SUGCT: variants seen among roughly 807,000 people sequenced by gnomAD.
SUGCT encodes the protein succinyl-CoA:glutarate-CoA transferase, also known as succinyl-CoA:glutarate CoA-transferase.
A neutral mutation model predicts 55.0 loss-of-function variants in SUGCT; 41 were observed. The ratio of observed to expected loss-of-function variants is 0.74; its 90% CI spans 0.58 to 0.97. The LOEUF is 0.97. SUGCT is among the 50% of genes least tolerant of loss of function. The probability of loss-of-function intolerance (pLI) is 0.00; values close to 1 mark genes in which losing one functional copy is unlikely to be tolerated. For synonymous variants in SUGCT, 187 were observed against 200.4 expected (o/e 0.93, Z 0.56); for missense variants, 568 against 547.8 (o/e 1.04, Z -0.37).
the SUGCT span, among the ~76,000 whole-genome samples, chr7:41,028,138 C>T: frequency 6.6e-6 from 1 of 152,216 alleles, no homozygotes; most frequent in South Asian, 2.1e-4. Context: ...GTGCCTCCAG[C>T]GTCTGGTCCC....
chr7:40,442,962 A>G (rs998676045), intron 9 of SUGCT, among the ~76,000 whole-genome samples: 30 of 152,260 alleles, frequency 2.0e-4, no homozygotes, highest in African/African-American at 6.7e-4. Flanking sequence ...TATGAGTGAG[A>G]ACATGCAGTG....
At chr7:40,282,667 TG>T (rs577713588) in intron 8 of SUGCT, among the ~76,000 whole-genome samples, 5 of 151,980 alleles carry the variant, frequency 3.3e-5, no homozygotes, top group African/African-American at 9.7e-5. Context: ...GCCAGGAGTT[TG>T]GGACCAGCAT....
chr7:40,520,688 C>A (rs1359520962), intron 12 of SUGCT, among the ~76,000 whole-genome samples: 1 of 152,084 alleles, frequency 6.6e-6, no homozygotes, highest in Admixed American at 6.6e-5. Flanking sequence ...ATTTGCCACT[C>A]TGTCTTCTCA....
intron 1 of SUGCT, among the ~76,000 whole-genome samples, chr7:40,179,249 A>G (rs1194808185): frequency 6.6e-6 from 1 of 151,662 alleles, no homozygotes; most frequent in Non-Finnish European, 1.5e-5. Flanking sequence ...TTAAAACAAG[A>G]CTTTATTTTT....
At chr7:40,442,332 CAGTT>C (rs1186024884) in intron 9 of SUGCT, among the ~76,000 whole-genome samples, 2 of 152,092 alleles carry the variant, frequency 1.3e-5, no homozygotes, top group Admixed American at 6.6e-5. Context: ...AAGATGGAGT[CAGTT>C]AGGTTAGATT....
the SUGCT span, among the ~76,000 whole-genome samples, chr7:40,954,442 G>T: frequency 6.6e-6 from 1 of 152,172 alleles, no homozygotes; most frequent in Admixed American, 6.6e-5. Flanking sequence ...CATGCTCAGT[G>T]TGCTGCACCC....
chr7:40,770,760 TTATATAA>T (rs1789056973), intron 13 of SUGCT, among the ~76,000 whole-genome samples: 1 of 152,110 alleles, frequency 6.6e-6, no homozygotes, highest in Non-Finnish European at 1.5e-5. Flanking sequence ...TTAACTCAGT[TTATATAA>T]TTCCTGCTCT....
chr7:40,573,749 G>A (rs184149317), intron 12 of SUGCT, among the ~76,000 whole-genome samples: 1 of 152,260 alleles, frequency 6.6e-6, no homozygotes, highest in African/African-American at 2.4e-5. Context: ...TTGGAGATGA[G>A]AAAACTGAGG....
At chr7:40,797,704 T>G (rs1336575147) in intron 13 of SUGCT, among the ~76,000 whole-genome samples, 3 of 152,230 alleles carry the variant, frequency 2.0e-5, no homozygotes, top group Non-Finnish European at 4.4e-5. Context: ...GGTCACCTGA[T>G]GAAAAGCATG....
Position 40,645,884 on chromosome 7 carries a change from C to T in SUGCT, c.1090-103550C>T, listed in dbSNP as rs141716608. Among the ~76,000 whole-genome samples, 31 of 152,278 alleles carry T rather than the reference C, an allele frequency of 2.0e-4. No individual in the cohort carries two copies. In the East Asian group the frequency reaches 5.8e-3, roughly 28 times the overall value. On this transcript the variant is annotated intron_variant, in intron 12 of 13. Transcript: ENST00000335693. ...AAGGCAGTTCCAATTACAACTTCCACGTTTTCATCCTGAGCTTAGACCCCA... is the reference window on the plus strand; with the variant it reads ...AAGGCAGTTCCAATTACAACTTCCATGTTTTCATCCTGAGCTTAGACCCCA...
chr7:40,262,699 A>C (rs1791307535), intron 7 of SUGCT, among the ~76,000 whole-genome samples: 1 of 152,108 alleles, frequency 6.6e-6, no homozygotes, highest in African/African-American at 2.4e-5. Context: ...ATTAGGGCCT[A>C]TCATTTCTTG....
At chr7:40,617,510 T>C (rs1014610184) in intron 12 of SUGCT, among the ~76,000 whole-genome samples, 1 of 150,904 alleles carries the variant, frequency 6.6e-6, no homozygotes, top group African/African-American at 2.5e-5. Context: ...TGTGTGTGTG[T>C]GTGCATGTTT....
At chr7:40,491,331 G>A (rs996826266) in intron 11 of SUGCT, among the ~76,000 whole-genome samples, 1 of 152,190 alleles carries the variant, frequency 6.6e-6, no homozygotes, top group Admixed American at 6.5e-5. Flanking sequence ...GTTACAGTGC[G>A]AATGGAGGAG....
chr7:40,305,974 AT>A (rs141466113), intron 8 of SUGCT, among the ~76,000 whole-genome samples: 56,543 of 151,786 alleles, frequency 0.37, 10,769 homozygotes, highest in East Asian at 0.48. Flanking sequence ...CAGTTATTTT[AT>A]TTTATTTTTT....
chr7:40,998,831 T>C, the SUGCT span, among the ~76,000 whole-genome samples: 119 of 152,360 alleles, frequency 7.8e-4, 1 homozygote, highest in African/African-American at 2.8e-3. Context: ...CTGTGGACTT[T>C]ACAAAAGCTT....
At chr7:40,734,345 C>T (rs1787048912) in intron 12 of SUGCT, among the ~76,000 whole-genome samples, 1 of 152,206 alleles carries the variant, frequency 6.6e-6, no homozygotes, top group African/African-American at 2.4e-5. Flanking sequence ...GAGACAGACA[C>T]AAGTGTGGCA....
At chr7:40,355,512 T>C (rs1171785231) in intron 9 of SUGCT, among the ~76,000 whole-genome samples, 14 of 152,178 alleles carry the variant, frequency 9.2e-5, no homozygotes, top group Non-Finnish European at 5.9e-5. Context: ...GCAGACTTTT[T>C]TGGTAAGCAG....
chr7:40,577,174 C>G (rs1796812270), intron 12 of SUGCT, among the ~76,000 whole-genome samples: 1 of 152,146 alleles, frequency 6.6e-6, no homozygotes, highest in African/African-American at 2.4e-5. Context: ...TAGCTGGATC[C>G]TCAGAGAGGC....
chr7:40,854,757 C>G (rs757502899), intron 13 of SUGCT, among the ~76,000 whole-genome samples: 1 of 151,714 alleles, frequency 6.6e-6, no homozygotes, highest in Non-Finnish European at 1.5e-5. Context: ...GGCAACATAG[C>G]CAGTCCCCAT....
Sources: allele counts gnomAD v4.1 joint callset (sites outside exome capture counted in the v4.1 genomes callset), GRCh38; gene constraint gnomAD v4.1.1; transcripts MANE v1.5; gene names NCBI Gene and HGNC (gene_info 2026-07-23, HGNC 2026-07-21).